The following SLC25A21 variants were observed in gnomAD, a reference collection of about 807,000 sequenced individuals.
SLC25A21 encodes solute carrier family 25 member 21, also known as mitochondrial 2-oxodicarboxylate carrier.
A neutral mutation model predicts 43.8 loss-of-function variants in SLC25A21; 47 were observed. The ratio of observed to expected loss-of-function variants is 1.07; its 90% CI spans 0.85 to 1.37. The LOEUF (loss-of-function observed/expected upper bound fraction) is 1.37, where lower values mean the gene tolerates loss of function less well. Ranked by LOEUF, SLC25A21 falls within the 40% of genes most tolerant of loss-of-function variation. The pLI, the probability that SLC25A21 is intolerant of heterozygous loss-of-function variation, is 0.00. For missense variants in SLC25A21, 352 were observed against 350.2 expected (o/e 1.00, Z -0.04); for synonymous variants, 131 against 121.3 (o/e 1.08, Z -0.52).
At chr14:37,124,583 TC>T (rs1302767568) in intron 1 of SLC25A21, among the ~76,000 whole-genome samples, 1 of 152,184 alleles carries the variant, frequency 6.6e-6, no homozygotes, top group Admixed American at 6.5e-5. Flanking sequence ...ATGGTTTGAT[TC>T]CCAAGGCTGA....
At chr14:37,147,139 T>C (rs1029048276) in intron 1 of SLC25A21, among the ~76,000 whole-genome samples, 2 of 152,136 alleles carry the variant, frequency 1.3e-5, no homozygotes, top group Admixed American at 6.5e-5. Flanking sequence ...CTCTTGGAAG[T>C]TGAAAGAGAC....
rs17105159 is a variant in SLC25A21, at chr14:36,734,488, G to A, written c.270+19C>T. 1.7e-3 allele frequency: 2,745 copies of A among 1,596,662 alleles called. 36 individuals are homozygous for A. In the African/African-American group the frequency reaches 0.032, roughly 19 times the overall value. On this transcript the variant is annotated intron_variant, in intron 4 of 9. Coordinates refer to ENST00000331299, the MANE Select transcript of SLC25A21 (RefSeq NM_030631.4). ...ACTGTGCCCTACTTTTGCTTGGTGC[G>A]AACGCATGCAATGCTTACCTTCACT...
At chr14:36,844,690 ATG>A (rs1889489424) in intron 2 of SLC25A21, among the ~76,000 whole-genome samples, 1 of 152,220 alleles carries the variant, frequency 6.6e-6, no homozygotes, top group South Asian at 2.1e-4. Flanking sequence ...GCTGTGAACC[ATG>A]TAAATAGAAG....
chr14:36,967,516 A>G (rs1472989373), intron 1 of SLC25A21, among the ~76,000 whole-genome samples: 1 of 152,112 alleles, frequency 6.6e-6, no homozygotes, highest in Non-Finnish European at 1.5e-5. Context: ...ATTATGAAAA[A>G]CTTTTCCCCA....
At chr14:36,925,393 T>C (rs1196718550) in intron 1 of SLC25A21, among the ~76,000 whole-genome samples, 1 of 152,202 alleles carries the variant, frequency 6.6e-6, no homozygotes, top group Non-Finnish European at 1.5e-5. Context: ...AAAAGATATA[T>C]TGTGTAAACA....
chr14:36,869,667 G>A (rs1890314050), intron 2 of SLC25A21, among the ~76,000 whole-genome samples: 1 of 152,196 alleles, frequency 6.6e-6, no homozygotes. Flanking sequence ...AACAGCTTCA[G>A]ACTGGGAGCC....
At chr14:36,929,476 G>T (rs1389495214) in intron 1 of SLC25A21, among the ~76,000 whole-genome samples, 3 of 152,036 alleles carry the variant, frequency 2.0e-5, no homozygotes, top group Non-Finnish European at 4.4e-5. Context: ...CATTGCAATT[G>T]TTTTTTTGTT....
At chr14:37,059,106 G>A (rs1230865454) in intron 1 of SLC25A21, among the ~76,000 whole-genome samples, 3 of 152,136 alleles carry the variant, frequency 2.0e-5, no homozygotes, top group African/African-American at 2.4e-5. Flanking sequence ...CAAGGATCAC[G>A]TCTTGTTTAT....
intron 6 of SLC25A21, 60 bp from the exon 7 acceptor site, chr14:36,711,542 T>C: frequency 3.3e-6 from 5 of 1,533,400 alleles, no homozygotes; most frequent in Non-Finnish European, 4.4e-6. Flanking sequence ...ATACAGTAAA[T>C]TACCGTATTA....
intron 1 of SLC25A21, among the ~76,000 whole-genome samples, chr14:36,939,367 G>C (rs115778417): frequency 6.6e-6 from 1 of 151,974 alleles, no homozygotes; most frequent in Non-Finnish European, 1.5e-5. Flanking sequence ...TGAGGGGTTT[G>C]ACTGCAATAC....
chr14:36,815,171 G>A (rs998413427), intron 2 of SLC25A21, among the ~76,000 whole-genome samples: 6 of 152,086 alleles, frequency 3.9e-5, no homozygotes, highest in African/African-American at 9.7e-5. Context: ...GCCAGTTGGC[G>A]GCTGTGGGGA....
At chr14:36,885,295 G>T (rs1434224080) in intron 1 of SLC25A21, among the ~76,000 whole-genome samples, 1 of 152,128 alleles carries the variant, frequency 6.6e-6, no homozygotes, top group Non-Finnish European at 1.5e-5. Flanking sequence ...TTATTTGCAG[G>T]TTCTCTATTC....
chr14:36,879,177 G>T (rs1890635773), intron 1 of SLC25A21, among the ~76,000 whole-genome samples: 1 of 152,022 alleles, frequency 6.6e-6, no homozygotes. Flanking sequence ...CATTCATTTT[G>T]GGAATAAAAA....
intron 1 of SLC25A21, among the ~76,000 whole-genome samples, chr14:36,882,904 C>T (rs375165858): frequency 2.6e-5 from 4 of 151,942 alleles, no homozygotes; most frequent in African/African-American, 9.7e-5. Context: ...CAACTCTCTT[C>T]GAATCTATCT....
chr14:36,813,976 C>T lies in SLC25A21; in HGVS notation c.145G>A (p.Asp49Asn), dbSNP rs118130312. ...TRFQIQRCATDPNSYKSLVDS... is the reference protein window; with the variant it reads ...TRFQIQRCATNPNSYKSLVDS... Reference sequence around the variant, plus strand: ...ACCAAGCTTTTATAACTGTTTGGATCGGTTGCACATCTCTGAATCTGAAAC... The same window carrying T: ...ACCAAGCTTTTATAACTGTTTGGATTGGTTGCACATCTCTGAATCTGAAAC... The change falls in exon 3 of 10, where the codon GAT becomes AAT. Residue 49 changes from aspartate (D) to asparagine (N), a missense_variant. Transcript: ENST00000331299. 3.6e-3 allele frequency: 5,726 copies of T among 1,607,974 alleles called. 16 individuals carry two copies. Among genetic ancestry groups the T allele is most frequent in the Non-Finnish European group, 3.7e-3 (4,361 of 1,178,514 alleles).
intron 2 of SLC25A21, among the ~76,000 whole-genome samples, chr14:36,834,294 G>T (rs535046175): frequency 6.6e-6 from 1 of 152,148 alleles, no homozygotes; most frequent in East Asian, 1.9e-4. Context: ...TTGCTTTTTC[G>T]CATCTTTTTA....
chr14:36,911,509 C>A (rs1391420232), intron 1 of SLC25A21, among the ~76,000 whole-genome samples: 1 of 152,154 alleles, frequency 6.6e-6, no homozygotes, highest in Admixed American at 6.5e-5. Context: ...CTATGGACAA[C>A]AGGACGTTAG....
chr14:36,937,107 T>C (rs1380573663), intron 1 of SLC25A21, among the ~76,000 whole-genome samples: 2 of 152,202 alleles, frequency 1.3e-5, no homozygotes, highest in African/African-American at 4.8e-5. Flanking sequence ...TGGCTGTTGA[T>C]TGAAAGCCTG....
chr14:36,755,184 G>T (rs187119406), intron 3 of SLC25A21, among the ~76,000 whole-genome samples: 405 of 149,544 alleles, frequency 2.7e-3, no homozygotes, highest in Admixed American at 4.9e-3. Flanking sequence ...GGACAAATCT[G>T]GTATCCAACA....
Sources: gnomAD v4.1 joint callset for allele counts (sites outside exome capture counted in the v4.1 genomes callset) on GRCh38, gnomAD v4.1.1 for gene constraint, MANE v1.5 for transcripts, NCBI Gene and HGNC (gene_info 2026-07-23, HGNC 2026-07-21) for gene names.